Variants in TTC1 observed in about 807,000 individuals in gnomAD.
The protein encoded by TTC1 is tetratricopeptide repeat protein 1.
TTC1 carries 31 observed loss-of-function variants against 37.6 expected under a neutral mutation model. That is an observed-to-expected ratio of 0.82 (90% CI 0.62 to 1.11). The LOEUF (loss-of-function observed/expected upper bound fraction) is 1.11. Ranked by LOEUF, TTC1 falls within the 50% of genes most tolerant of loss-of-function variation. The probability of loss-of-function intolerance (pLI) is 0.00; values close to 1 mark genes in which losing one functional copy is unlikely to be tolerated. For missense variants in TTC1, 351 were observed against 339.0 expected (o/e 1.04, Z -0.28); for synonymous variants, 127 against 122.4 (o/e 1.04, Z -0.25).
At chr5:160,032,663 C>T (rs1299738944) in intron 2 of TTC1, among the ~76,000 whole-genome samples, 1 of 132,998 alleles carries the variant, frequency 7.5e-6, no homozygotes, top group Non-Finnish European at 1.6e-5. Context: ...GACATGCATT[C>T]TGCTTCTTAA....
intron 5 of TTC1, among the ~76,000 whole-genome samples, chr5:160,048,967 T>A (rs1034449286): frequency 1.3e-5 from 2 of 151,434 alleles, no homozygotes; most frequent in African/African-American, 4.9e-5. Flanking sequence ...AAAAATTCTC[T>A]CTCACTCTTT....
intron 2 of TTC1, among the ~76,000 whole-genome samples, chr5:160,012,057 C>G (rs977882358): frequency 6.6e-6 from 1 of 152,104 alleles, no homozygotes; most frequent in Non-Finnish European, 1.5e-5. Context: ...AAAAGTGAGC[C>G]AAGTTCATAA....
At chr5:160,045,592 G>A (rs1259136727) in intron 5 of TTC1, among the ~76,000 whole-genome samples, 3 of 141,150 alleles carry the variant, frequency 2.1e-5, no homozygotes, top group African/African-American at 8.1e-5. Flanking sequence ...ATAAACCTTG[G>A]CAAAGAACTT....
rs115969788 is a variant in TTC1 at position 160,054,925 on chromosome 5, G to C, written c.745+3742G>C. On this transcript the variant is annotated intron_variant, in intron 7 of 7. Coordinates refer to ENST00000231238, the MANE Select transcript of TTC1 (RefSeq NM_003314.3). ...CTTTCAGCTACCCTGAAGCTCCTCT[G>C]CTCAACTGTAAGATACTTAGGACAA... Among the ~76,000 whole-genome samples, 461 of 152,336 alleles carry C rather than the reference G, an allele frequency of 3.0e-3. 4 individuals carry two copies. Among genetic ancestry groups the C allele is most frequent in the African/African-American group, 0.011 (446 of 41,576 alleles).
chr5:160,049,569 T>C lies in TTC1; in HGVS notation c.597T>C (p.Tyr199=). 1 of 1,611,444 alleles carries C rather than the reference T, an allele frequency of 6.2e-7. No individual in the cohort carries two copies. Among genetic ancestry groups the C allele is most frequent in the Non-Finnish European group, 8.5e-7 (1 of 1,178,978 alleles). ...IRAILRRAEL[Y]EKTDKLDEAL... ...CAATATTGAGGAGAGCAGAGTTGTA[T>C]GAGAAGACGGACAAGCTAGATGAAG... The change falls in exon 6 of 8, where the codon TAT becomes TAC. Residue 199 remains tyrosine (Y), a synonymous_variant. Coordinates refer to ENST00000231238, the MANE Select transcript of TTC1 (RefSeq NM_003314.3).
chr5:160,033,416 T>C (rs1462224086), intron 2 of TTC1, among the ~76,000 whole-genome samples: 1 of 152,176 alleles, frequency 6.6e-6, no homozygotes, highest in Non-Finnish European at 1.5e-5. Context: ...GTTTAATCCA[T>C]AGTGTAATAA....
intron 2 of TTC1, among the ~76,000 whole-genome samples, chr5:160,013,010 T>A (rs1568398): frequency 0.085 from 12,871 of 152,312 alleles, 713 homozygotes; most frequent in Admixed American, 0.18. Flanking sequence ...CATACAGTAG[T>A]ATTCATGTTT....
At chr5:160,045,241 C>T (rs560052739) in intron 5 of TTC1, among the ~76,000 whole-genome samples, 117 of 151,950 alleles carry the variant, frequency 7.7e-4, no homozygotes, top group African/African-American at 2.5e-3. Flanking sequence ...AGCTGCAGCC[C>T]GAAGTGTAGG....
At chr5:160,047,979 G>T (rs1306109320) in intron 5 of TTC1, among the ~76,000 whole-genome samples, 2 of 152,082 alleles carry the variant, frequency 1.3e-5, no homozygotes. Context: ...AACAAGGACT[G>T]TGTCTGTCTT....
intron 2 of TTC1, among the ~76,000 whole-genome samples, chr5:160,030,287 G>A (rs1008117017): frequency 1.3e-5 from 2 of 152,152 alleles, no homozygotes; most frequent in African/African-American, 4.8e-5. Context: ...CAAACAAATG[G>A]AATGAGGGAT....
intron 2 of TTC1, among the ~76,000 whole-genome samples, chr5:160,019,091 A>G (rs1258614578): frequency 6.6e-6 from 1 of 152,212 alleles, no homozygotes; most frequent in African/African-American, 2.4e-5. Context: ...GCCAAAATGC[A>G]GATTTAGTCA....
chr5:160,034,867 A>G (rs1756974867), intron 2 of TTC1, among the ~76,000 whole-genome samples: 1 of 152,216 alleles, frequency 6.6e-6, no homozygotes, highest in East Asian at 1.9e-4. Context: ...TGTAATTATC[A>G]TTCCATTGCA....
At chr5:160,047,479 A>G (rs966927355) in intron 5 of TTC1, among the ~76,000 whole-genome samples, 2 of 152,178 alleles carry the variant, frequency 1.3e-5, no homozygotes, top group Non-Finnish European at 2.9e-5. Context: ...GACCAAGCCA[A>G]CATCTTCTCT....
intron 7 of TTC1, 60 bp downstream of exon 7, chr5:160,051,243 A>G: frequency 1.5e-6 from 2 of 1,357,970 alleles, no homozygotes; most frequent in Non-Finnish European, 2.1e-6. Context: ...GTGGGGACAT[A>G]GCGAATACTA....
At chr5:160,043,398 T>C (rs1757136476) in intron 5 of TTC1, among the ~76,000 whole-genome samples, 1 of 152,168 alleles carries the variant, frequency 6.6e-6, no homozygotes, top group Non-Finnish European at 1.5e-5. Context: ...AATTCAGTGC[T>C]CTAGCCTGGG....
At chr5:160,055,443 T>C (rs1757517901) in intron 7 of TTC1, among the ~76,000 whole-genome samples, 1 of 152,204 alleles carries the variant, frequency 6.6e-6, no homozygotes, top group Admixed American at 6.5e-5. Flanking sequence ...TTACAATTCA[T>C]TTTTTAATAT....
chr5:160,026,495 G>A (rs546685920), intron 2 of TTC1, among the ~76,000 whole-genome samples: 34 of 152,184 alleles, frequency 2.2e-4, no homozygotes, highest in African/African-American at 7.5e-4. Context: ...TGTTAGATAC[G>A]AATACACTTA....
chr5:160,014,035 G>T (rs1464885453), intron 2 of TTC1, among the ~76,000 whole-genome samples: 1 of 152,064 alleles, frequency 6.6e-6, no homozygotes, highest in Non-Finnish European at 1.5e-5. Context: ...GGCTATTACG[G>T]CTGAGGAACT....
chr5:160,027,994 C>G (rs776435423), intron 2 of TTC1, among the ~76,000 whole-genome samples: 3 of 152,064 alleles, frequency 2.0e-5, no homozygotes, highest in Non-Finnish European at 4.4e-5. Flanking sequence ...CATTTTTCAT[C>G]AAAATTTTAA....
Sources: allele counts gnomAD v4.1 joint callset (sites outside exome capture counted in the v4.1 genomes callset), GRCh38; gene constraint gnomAD v4.1.1; transcripts MANE v1.5; gene names NCBI Gene and HGNC (gene_info 2026-07-23, HGNC 2026-07-21).